The following SPMIP5 variants were observed in gnomAD, a reference collection of about 807,000 sequenced individuals.
The protein encoded by SPMIP5 is sperm microtubule inner protein 5.
the SPMIP5 span, chr10:116,664,515 A>G: frequency 2.3e-6 from 2 of 862,998 alleles, no homozygotes; most frequent in Non-Finnish European, 3.3e-6. Context: ...TTTTACTCCC[A>G]TCCCCTCCCT....
At chr10:116,668,038 C>G in the SPMIP5 span, among the ~76,000 whole-genome samples, 4 of 152,214 alleles carry the variant, frequency 2.6e-5, no homozygotes, top group Non-Finnish European at 5.9e-5. Context: ...CCTCTGCATA[C>G]CAGGCCATGT....
At chr10:116,665,836 C>A in the SPMIP5 span, 1 of 1,599,390 alleles carries the variant, frequency 6.3e-7, no homozygotes, top group Non-Finnish European at 8.6e-7. Context: ...CCTGCAAGAG[C>A]CGAATGGAAT....
the SPMIP5 span, chr10:116,668,319 G>A: frequency 3.3e-5 from 53 of 1,610,480 alleles, no homozygotes; most frequent in Non-Finnish European, 4.2e-5. Context: ...CCATGATTTC[G>A]CTCTCTGTTA....
chr10:116,664,671 T>C, the SPMIP5 span: 4 of 1,543,604 alleles, frequency 2.6e-6, no homozygotes, highest in Non-Finnish European at 3.5e-6. Context: ...GTCCTAGTGC[T>C]GGGATGGGGA....
the SPMIP5 span, chr10:116,668,257 C>A: frequency 2.5e-6 from 4 of 1,613,480 alleles, no homozygotes; most frequent in East Asian, 6.7e-5. Context: ...TCCACACTTA[C>A]CGCTATAGCC....
the SPMIP5 span, chr10:116,664,003 GT>G: frequency 1.9e-6 from 3 of 1,549,152 alleles, no homozygotes; most frequent in Non-Finnish European, 1.7e-6. Flanking sequence ...TGTCAGCGGA[GT>G]TTTGGGGTCC....
At chr10:116,664,849 T>G in the SPMIP5 span, 12 of 1,614,182 alleles carry the variant, frequency 7.4e-6, no homozygotes, top group Non-Finnish European at 1.0e-5. Context: ...ACAGTGTATC[T>G]CGTGCCACAG....
the SPMIP5 span, chr10:116,668,434 G>T: frequency 2.2e-6 from 2 of 928,640 alleles, no homozygotes; most frequent in Non-Finnish European, 3.5e-6. Context: ...ACTGCCAGGA[G>T]TTGGGGCTGA....
chr10:116,664,194 TA>T, the SPMIP5 span: 1 of 1,614,152 alleles, frequency 6.2e-7, no homozygotes, highest in Non-Finnish European at 8.5e-7. Flanking sequence ...AAAATCGGGA[TA>T]TTTTGGCAGC....
At chr10:116,664,006 T>C in the SPMIP5 span, 1 of 1,550,498 alleles carries the variant, frequency 6.4e-7, no homozygotes. Context: ...CAGCGGAGTT[T>C]TGGGGTCCTC....
At chr10:116,668,936 C>CACACACACACAT in the SPMIP5 span, among the ~76,000 whole-genome samples, 1 of 46,918 alleles carries the variant, frequency 2.1e-5, no homozygotes, top group Non-Finnish European at 5.2e-5. Context: ...CACACATGCA[C>CACACACACACAT]ACACACACAC....
chr10:116,668,407 T>G, the SPMIP5 span: 20 of 1,127,120 alleles, frequency 1.8e-5, no homozygotes, highest in East Asian at 2.7e-5. Flanking sequence ...GCACAAGCTC[T>G]TGGGAGTGGA....
At chr10:116,664,981 C>T in the SPMIP5 span, 1 of 1,582,672 alleles carries the variant, frequency 6.3e-7, no homozygotes, top group East Asian at 2.2e-5. Context: ...GAGAAAGCAA[C>T]TAAAAAATGT....
the SPMIP5 span, among the ~76,000 whole-genome samples, chr10:116,668,933 G>GCGCGCGCACA: frequency 7.4e-6 from 1 of 135,282 alleles, no homozygotes; most frequent in African/African-American, 2.9e-5. Flanking sequence ...GCACACACAT[G>GCGCGCGCACA]CACACACACA....
At chr10:116,665,558 T>A in the SPMIP5 span, 1 of 1,545,022 alleles carries the variant, frequency 6.5e-7, no homozygotes, top group Non-Finnish European at 8.8e-7. Context: ...CCTATGAGAA[T>A]CTGCAGGGGT....
the SPMIP5 span, chr10:116,664,627 A>G: frequency 6.8e-7 from 1 of 1,475,108 alleles, no homozygotes; most frequent in Non-Finnish European, 9.0e-7. Context: ...ACTACAAATG[A>G]GGCACCTTCT....
the SPMIP5 span, chr10:116,668,196 G>A: frequency 1.3e-6 from 2 of 1,495,568 alleles, no homozygotes; most frequent in African/African-American, 1.4e-5. Flanking sequence ...GTCAAGGCAG[G>A]GACAGTGACC....
the SPMIP5 span, among the ~76,000 whole-genome samples, chr10:116,667,006 C>G: frequency 2.6e-5 from 4 of 152,142 alleles, no homozygotes; most frequent in African/African-American, 9.7e-5. Flanking sequence ...ACCCCTGGTA[C>G]CTGTGAATGT....
chr10:116,666,117 G>A, the SPMIP5 span, among the ~76,000 whole-genome samples: 6 of 152,218 alleles, frequency 3.9e-5, no homozygotes, highest in South Asian at 4.1e-4. Flanking sequence ...TCAGCCTGAC[G>A]GAAAATGGGG....
Sources: allele counts gnomAD v4.1 joint callset (sites outside exome capture counted in the v4.1 genomes callset), GRCh38; gene constraint gnomAD v4.1.1; transcripts MANE v1.5; gene names NCBI Gene and HGNC (gene_info 2026-07-23, HGNC 2026-07-21).